Variants in COL6A6 observed in about 807,000 individuals in gnomAD.
COL6A6 encodes collagen type VI alpha 6 chain.
A neutral mutation model predicts 208.6 loss-of-function variants in COL6A6; 183 were observed. The observed-to-expected ratio is 0.88, with a 90% CI of 0.78 to 0.99. The LOEUF is 0.99. Ranked by LOEUF, COL6A6 falls within the 50% of genes least tolerant of loss-of-function variation. The pLI, the probability that COL6A6 is intolerant of heterozygous loss-of-function variation, is 0.00. For synonymous variants in COL6A6, 973 were observed against 1,011.8 expected (o/e 0.96, Z 0.73); for missense variants, 2,816 against 2,815.2 (o/e 1.00, Z -0.01).
chr3:130,667,840 G>C (rs916281961), intron 36 of COL6A6, among the ~76,000 whole-genome samples: 3 of 151,806 alleles, frequency 2.0e-5, no homozygotes, highest in Admixed American at 2.0e-4. Flanking sequence ...GATTCTAGGA[G>C]CTTGTATCAT....
intron 28 of COL6A6, among the ~76,000 whole-genome samples, 165 bp downstream of exon 28, chr3:130,635,926 A>T (rs962713984): frequency 2.0e-5 from 3 of 152,246 alleles, no homozygotes; most frequent in Non-Finnish European, 2.9e-5. Flanking sequence ...TCATCTCTCA[A>T]TGCCAGTGCA....
rs1228922874 is a variant in COL6A6, at chr3:130,662,181, T to A, written c.6375T>A (p.Asp2125Glu). The A allele has an allele frequency of 6.2e-7, 1 of 1,613,898 alleles. No individual in the cohort carries two copies. The highest frequency in any genetic ancestry group is 8.5e-7 in the Non-Finnish European group (1 of 1,179,876). The change falls in exon 35 of 37, where the codon GAT becomes GAA. Residue 2125 changes from aspartate (D) to glutamate (E), a missense_variant. Asp to Glu is a conservative substitution (Grantham distance 45). Transcript: ENST00000358511. The stretch of plus-strand genomic sequence containing the variant: ...TGTTTTCCCTTGGCCCTATTTGGGA[T>A]GACAAGGAACTGGAGGATCTCGCCA... ...LFVFSLGPIW[D>E]DKELEDLASH...
At position 130,635,727 on chromosome 3, in the gene COL6A6, G is replaced by A. The variant is rs1254310398; in HGVS notation, c.5057G>A (p.Gly1686Glu). Residue 1686 changes from glycine (G) to glutamate (E), a missense_variant, in exon 28 of 37, where the codon GGA becomes GAA. Physicochemically the swap from Gly to Glu is moderately conservative, Grantham distance 98. Coordinates refer to ENST00000358511, the MANE Select transcript of COL6A6 (RefSeq NM_001102608.3). ...KGEIGDPGGP[G>E]ETGLKGARGK... ...GAGATTGGGGACCCTGGTGGTCCAG[G>A]AGAGACTGGGCTGAAGGGAGCTAGA... 1 of 1,612,548 alleles carries A rather than the reference G, an allele frequency of 6.2e-7. No individual in the cohort carries two copies. The highest frequency in any genetic ancestry group is 1.1e-5 in the South Asian group (1 of 90,926).
chr3:130,531,688 C>G (rs997380767), intron 1 of COL6A6, among the ~76,000 whole-genome samples: 15 of 152,128 alleles, frequency 9.9e-5, no homozygotes, highest in African/African-American at 3.6e-4. Context: ...TTGTCCTTCT[C>G]CATTGAAACC....
chr3:130,670,689 G>C (rs1358029420), intron 36 of COL6A6, among the ~76,000 whole-genome samples: 2 of 152,158 alleles, frequency 1.3e-5, no homozygotes, highest in African/African-American at 4.8e-5. Flanking sequence ...GCAGTGCCAC[G>C]CTGCATTTAT....
intron 1 of COL6A6, among the ~76,000 whole-genome samples, chr3:130,555,294 C>T (rs1314585194): frequency 3.3e-5 from 5 of 152,166 alleles, no homozygotes; most frequent in Admixed American, 2.0e-4. Flanking sequence ...TCACCCCTTC[C>T]CCAGGAGTCA....
chr3:130,592,925 C>T (rs2063754890), intron 15 of COL6A6, 136 bp from the exon 16 acceptor site: 1 of 883,860 alleles, frequency 1.1e-6, no homozygotes, highest in Non-Finnish European at 1.8e-6. Flanking sequence ...ACTGAGTAAC[C>T]TTTAATATTA....
chr3:130,517,653 T>C (rs139869124), intron 1 of COL6A6, among the ~76,000 whole-genome samples: 87 of 152,368 alleles, frequency 5.7e-4, no homozygotes, highest in Non-Finnish European at 1.9e-4. Flanking sequence ...CAGCACACTC[T>C]TGTCATTCTC....
At chr3:130,658,646 A>C (rs749885519) in intron 33 of COL6A6, 30 bp from the exon 34 acceptor site, 4 of 1,506,578 alleles carry the variant, frequency 2.7e-6, no homozygotes, top group Non-Finnish European at 3.7e-6. Context: ...CTACCCACTA[A>C]GTTCTTTCTG....
At chr3:130,651,547 T>TA (rs2065646395) in intron 33 of COL6A6, among the ~76,000 whole-genome samples, 1 of 152,072 alleles carries the variant, frequency 6.6e-6, no homozygotes, top group African/African-American at 2.4e-5. Flanking sequence ...CTGAAACTGC[T>TA]ATTATTAATA....
At position 130,563,682 on chromosome 3, in the gene COL6A6, G is replaced by A; in HGVS notation, c.661+18G>A. 6.7e-7 allele frequency: 1 copy of A among 1,490,862 alleles called. No homozygotes were observed. The highest frequency in any genetic ancestry group is 1.2e-5 in the South Asian group (1 of 83,768). The allele number at this position is 1,490,862 out of a possible 1,614,324, so 92.4% of individuals were successfully genotyped here. ...TGTAGAAGGTGGGCTTAGGATATGT[G>A]TATAGGAATGATGATAAAACGCTTT... is the stretch of plus-strand genomic sequence containing the variant. On this transcript the variant is annotated intron_variant, in intron 3 of 36. Coordinates refer to ENST00000358511, the MANE Select transcript of COL6A6 (RefSeq NM_001102608.3).
chr3:130,598,627 C>T (rs1261692590), intron 19 of COL6A6, among the ~76,000 whole-genome samples, 197 bp downstream of exon 19: 4 of 152,138 alleles, frequency 2.6e-5, no homozygotes, highest in African/African-American at 9.7e-5. Context: ...TCTTGCCTTC[C>T]TCCTCTAAAT....
chr3:130,589,167 A>G lies in COL6A6; in HGVS notation c.4203A>G (p.Gly1401=), dbSNP rs2063613279. The G allele has an allele frequency of 6.2e-7, 1 of 1,613,034 alleles. No individual in the cohort carries two copies. The highest frequency in any genetic ancestry group is 8.5e-7 in the Non-Finnish European group (1 of 1,179,046). ...IGGDGTMGDP[G]PPGKRGPPGF... Reference sequence around the variant, plus strand: ...GAGATGGCACAATGGGAGATCCTGGACCACCAGGGAAAAGGGTGATTTTAG... The same window carrying G: ...GAGATGGCACAATGGGAGATCCTGGGCCACCAGGGAAAAGGGTGATTTTAG... Residue 1401 remains glycine, a synonymous_variant, in exon 12 of 37, where the codon GGA becomes GGG. Coordinates refer to ENST00000358511, the MANE Select transcript of COL6A6 (RefSeq NM_001102608.3).
intron 11 of COL6A6, among the ~76,000 whole-genome samples, chr3:130,587,419 G>A (rs1461887235): frequency 6.6e-6 from 1 of 152,164 alleles, no homozygotes; most frequent in Non-Finnish European, 1.5e-5. Flanking sequence ...CCGCCACCAT[G>A]CCCGGCTAAT....
Position 130,590,295 on chromosome 3 carries a change from ATATATTTTTTTTTTTTTTTTTTT to A in COL6A6, c.4219-744_4219-722del, listed in dbSNP as rs1371758964. ...TATATATATATATATATATATATAT[ATATATTTTTTTTTTTTTTTTTTT>A]TTTTTTTTTTTACTATAAGTTCTAG... is the stretch of plus-strand genomic sequence containing the variant. On this transcript the variant is annotated intron_variant, in intron 12 of 36. Coordinates refer to ENST00000358511, the MANE Select transcript of COL6A6 (RefSeq NM_001102608.3). 2.0e-3 allele frequency among the ~76,000 whole-genome samples: 22 copies of A among 10,744 alleles called. No individual in the cohort carries two copies. The East Asian group carries it at 0.023, about 11-fold the overall frequency. The allele number at this position is 10,744 out of a possible 152,430, so 7.0% of individuals were successfully genotyped here.
At chr3:130,574,629 T>C in intron 8 of COL6A6, 104 bp downstream of exon 8, 1 of 901,640 alleles carries the variant, frequency 1.1e-6, no homozygotes, top group Non-Finnish European at 1.7e-6. Context: ...GAATTTAGAT[T>C]TGTGCCTCTG....
chr3:130,584,599 AT>A (rs906805856), intron 10 of COL6A6, among the ~76,000 whole-genome samples: 1 of 151,240 alleles, frequency 6.6e-6, no homozygotes, highest in African/African-American at 2.4e-5. Flanking sequence ...TTCTTTTTTT[AT>A]TTTTTTTATT....
At chr3:130,605,661 C>T (rs114271819) in intron 20 of COL6A6, among the ~76,000 whole-genome samples, 1,649 of 152,130 alleles carry the variant, frequency 0.011, 43 homozygotes, top group African/African-American at 0.037. Context: ...ATCATTTCCC[C>T]GAAATACAGT....
chr3:130,667,743 T>G (rs1168767771), intron 36 of COL6A6, among the ~76,000 whole-genome samples: 1 of 151,932 alleles, frequency 6.6e-6, no homozygotes, highest in Non-Finnish European at 1.5e-5. Context: ...TATTAAAAAA[T>G]GAAGCCTTGG....
Sources: allele counts gnomAD v4.1 joint callset (sites outside exome capture counted in the v4.1 genomes callset), GRCh38; gene constraint gnomAD v4.1.1; transcripts MANE v1.5; gene names NCBI Gene and HGNC (gene_info 2026-07-23, HGNC 2026-07-21).